Variants in OTOF observed in about 807,000 individuals in gnomAD.
OTOF encodes fer-1-like family member 2.
OTOF carries 218 observed loss-of-function variants against 236.8 expected under a neutral mutation model. The ratio of observed to expected loss-of-function variants is 0.92; its 90% CI spans 0.82 to 1.03. The LOEUF is 1.03. Ranked by LOEUF, OTOF falls within the 50% of genes least tolerant of loss-of-function variation. The pLI is 0.00. For missense variants in OTOF, 2,590 were observed against 2,694.4 expected (o/e 0.96, Z 0.86); for synonymous variants, 1,041 against 1,072.5 (o/e 0.97, Z 0.57).
intron 8 of OTOF, among the ~76,000 whole-genome samples, chr2:26,500,194 C>T (rs935837710): frequency 1.3e-4 from 20 of 152,198 alleles, no homozygotes; most frequent in African/African-American, 2.7e-4. Flanking sequence ...TTAGTGGCAA[C>T]GACCTGGGAC....
chr2:26,489,874 C>G (rs13409763), intron 9 of OTOF, 134 bp from the exon 10 acceptor site: 29 of 732,070 alleles, frequency 4.0e-5, no homozygotes, highest in Non-Finnish European at 6.7e-5. Context: ...TTCAGAGGAG[C>G]AGCAGAGGCA....
chr2:26,519,510 C>A (rs755681944), intron 3 of OTOF, among the ~76,000 whole-genome samples: 34 of 152,358 alleles, frequency 2.2e-4, no homozygotes, highest in South Asian at 8.3e-4. Flanking sequence ...CCCGCCTAAC[C>A]ATGACCAAGG....
At chr2:26,526,919 G>A (rs1666821066) in intron 3 of OTOF, among the ~76,000 whole-genome samples, 1 of 152,048 alleles carries the variant, frequency 6.6e-6, no homozygotes, top group Non-Finnish European at 1.5e-5. Context: ...TCAAATTACT[G>A]GGATCAAATG....
intron 1 of OTOF, among the ~76,000 whole-genome samples, chr2:26,553,560 C>A (rs533324524): frequency 4.6e-5 from 7 of 152,320 alleles, no homozygotes; most frequent in African/African-American, 1.7e-4. Flanking sequence ...TCTCCTCTGT[C>A]AGATGGTGAG....
At chr2:26,505,927 A>G (rs1254674684) in intron 5 of OTOF, among the ~76,000 whole-genome samples, 3 of 152,234 alleles carry the variant, frequency 2.0e-5, no homozygotes, top group Admixed American at 2.0e-4. Context: ...GAACCTGAGC[A>G]CCCAAACATT....
chr2:26,526,190 T>C (rs1158153345), intron 3 of OTOF, among the ~76,000 whole-genome samples: 7 of 144,382 alleles, frequency 4.8e-5, no homozygotes, highest in Admixed American at 4.8e-4. Flanking sequence ...GGGTAAGTGG[T>C]GGATGAATGG....
At chr2:26,510,627 G>T in intron 5 of OTOF, 1 of 953,064 alleles carries the variant, frequency 1.0e-6, no homozygotes, top group Non-Finnish European at 1.5e-6. Flanking sequence ...AGCCCATCCC[G>T]CCCTCCACAG....
rs771907069 is a variant in OTOF at position 26,461,075 on chromosome 2, G to T, written c.5534-45C>A. 8.2e-7 allele frequency: 1 copy of T among 1,212,158 alleles called. No individual in the cohort carries two copies. The highest frequency in any genetic ancestry group is 1.9e-5 in the Admixed American group (1 of 53,922). The allele number at this position is 1,212,158 out of a possible 1,614,324, so 75.1% of individuals were successfully genotyped here. Reference sequence around the variant, plus strand: ...AGCTCAGAGTGAACAGGGCTGGGGTGGGGCGGGGTGGGGGTGGGGGTCTGG... The same window carrying T: ...AGCTCAGAGTGAACAGGGCTGGGGTTGGGCGGGGTGGGGGTGGGGGTCTGG... On this transcript the variant is annotated intron_variant, in intron 43 of 46. Transcript: ENST00000272371. This position sits in a 1 kb window ranked among gnomAD's most constrained non-coding sequence, Gnocchi z 6.2.
intron 18 of OTOF, among the ~76,000 whole-genome samples, chr2:26,478,785 G>A (rs550078335): frequency 4.6e-5 from 7 of 152,282 alleles, no homozygotes; most frequent in African/African-American, 9.6e-5. Flanking sequence ...TGCAAACTCC[G>A]CCTCACGGGT....
intron 2 of OTOF, among the ~76,000 whole-genome samples, chr2:26,537,244 G>C (rs1667093212): frequency 6.6e-6 from 1 of 152,198 alleles, no homozygotes; most frequent in Non-Finnish European, 1.5e-5. Flanking sequence ...TGGGGTGCTT[G>C]ACAATGTTTC....
chr2:26,489,351 T>C, intron 10 of OTOF, 56 bp from the exon 11 acceptor site: 1 of 1,369,970 alleles, frequency 7.3e-7, no homozygotes, highest in Non-Finnish European at 1.0e-6. Flanking sequence ...AGGCTTTCCA[T>C]GGGGCAGTGG....
intron 5 of OTOF, among the ~76,000 whole-genome samples, chr2:26,514,558 G>A (rs1228462361): frequency 6.6e-6 from 1 of 152,236 alleles, no homozygotes; most frequent in East Asian, 1.9e-4. Flanking sequence ...CTTCGTGGCT[G>A]CTAAGGGCTC....
chr2:26,504,496 T>C (rs919894216), intron 5 of OTOF, among the ~76,000 whole-genome samples: 1 of 152,192 alleles, frequency 6.6e-6, no homozygotes, highest in Admixed American at 6.5e-5. Flanking sequence ...CCATCTATCT[T>C]CGGTCCTGGA....
intron 4 of OTOF, among the ~76,000 whole-genome samples, chr2:26,517,757 G>A (rs1666571636): frequency 6.6e-6 from 1 of 152,182 alleles, no homozygotes; most frequent in African/African-American, 2.4e-5. Context: ...TCATAACAAT[G>A]GGTAGCGGAG....
rs2148056292 is a variant in OTOF at position 26,480,289 on chromosome 2, T to G, written c.1826A>C (p.Glu609Ala). Residue 609 changes from glutamate (E) to alanine (A), a missense_variant, in exon 16 of 47, where the codon GAA becomes GCA. Glu to Ala is a moderately radical substitution (Grantham distance 107). Around this residue, in one of 2 missense-constraint regions of OTOF, gnomAD observed 1,379 missense variants for 1,341.6 expected, o/e 1.03. Coordinates refer to ENST00000272371, the MANE Select transcript of OTOF (RefSeq NM_194248.3). ...ISESCAGKME[E>A]FFLFGAFLEA... is the part of the protein sequence containing the mutation. ...CAGGAAGGCTCCAAAGAGAAAGAAT[T>G]CTTCCATTTTACCTGCACAGCTCTG... 1.2e-6 allele frequency: 2 copies of G among 1,610,352 alleles called. No homozygotes were observed. Among genetic ancestry groups the G allele is most frequent in the East Asian group, 4.5e-5 (2 of 44,870 alleles).
intron 3 of OTOF, among the ~76,000 whole-genome samples, chr2:26,525,863 G>A (rs1666788194): frequency 6.6e-6 from 1 of 152,086 alleles, no homozygotes; most frequent in Non-Finnish European, 1.5e-5. Context: ...GAGGAGGGTA[G>A]ATCACTTGAG....
chr2:26,490,009 A>T (rs1017853866), intron 9 of OTOF, among the ~76,000 whole-genome samples: 1 of 152,230 alleles, frequency 6.6e-6, no homozygotes, highest in African/African-American at 2.4e-5. Flanking sequence ...GGGACAGCCC[A>T]TGCCCTTGTA....
intron 1 of OTOF, among the ~76,000 whole-genome samples, chr2:26,554,038 G>T (rs151164688): frequency 0.025 from 3,862 of 152,092 alleles, 143 homozygotes; most frequent in East Asian, 0.12. Flanking sequence ...GGGCATGGTG[G>T]CGTGTGCCTG....
At chr2:26,481,559 A>T (rs1665541605) in intron 14 of OTOF, among the ~76,000 whole-genome samples, 1 of 151,990 alleles carries the variant, frequency 6.6e-6, no homozygotes, top group East Asian at 1.9e-4. Context: ...TTTCCTTTTT[A>T]TTCTGCCTTT....
Sources: allele counts gnomAD v4.1 joint callset (sites outside exome capture counted in the v4.1 genomes callset), GRCh38; gene constraint gnomAD v4.1.1; regional missense constraint gnomAD v4.1.1; non-coding constraint Gnocchi (gnomAD v3.1); transcripts MANE v1.5; gene names NCBI Gene and HGNC (gene_info 2026-07-23, HGNC 2026-07-21).